The following TRAPPC9 variants were observed in gnomAD, a reference collection of about 807,000 sequenced individuals.
The protein encoded by TRAPPC9 is IKK2 binding protein.
In TRAPPC9, 83 loss-of-function variants were observed where a neutral mutation model predicts 124.0. That is an observed-to-expected ratio of 0.67 (90% CI 0.56 to 0.80). The LOEUF (loss-of-function observed/expected upper bound fraction) is 0.80. Ranked by LOEUF, TRAPPC9 falls within the 30% of genes least tolerant of loss-of-function variation. The pLI, the probability that TRAPPC9 is intolerant of heterozygous loss-of-function variation, is 0.00. For synonymous variants in TRAPPC9, 638 were observed against 617.5 expected, an observed-to-expected ratio of 1.03 and a Z score of -0.49; for missense variants, 1,302 against 1,508.3, an observed-to-expected ratio of 0.86 and a Z score of 2.27.
At chr8:139,748,472 C>T (rs544245780) in intron 21 of TRAPPC9, among the ~76,000 whole-genome samples, 13 of 118,254 alleles carry the variant, frequency 1.1e-4, no homozygotes, top group African/African-American at 5.1e-4. Context: ...AGGGGGTACA[C>T]ACAGCAGGTG....
At chr8:140,062,023 C>T (rs562297417) in intron 17 of TRAPPC9, among the ~76,000 whole-genome samples, 4 of 152,310 alleles carry the variant, frequency 2.6e-5, no homozygotes, top group South Asian at 2.1e-4. Context: ...CGCAGGTGTG[C>T]GCACACTCAA....
chr8:140,083,879 C>T (rs1844013450), intron 17 of TRAPPC9, among the ~76,000 whole-genome samples: 1 of 152,058 alleles, frequency 6.6e-6, no homozygotes. Flanking sequence ...GTTGACCAGG[C>T]TGCTTTTGAA....
intron 7 of TRAPPC9, among the ~76,000 whole-genome samples, chr8:140,380,510 C>T (rs2068571383): frequency 6.6e-6 from 1 of 151,768 alleles, no homozygotes; most frequent in South Asian, 2.1e-4. Flanking sequence ...AAAAAATTAG[C>T]CAGGCCTTGT....
rs1343816256 is a variant in TRAPPC9 at position 139,916,407 on chromosome 8, C to T, written c.2811-6107G>A. ...GAAACCCGCATTACAGATGGAGAGA[C>T]CAAGGAGCTGAGGCGCTAAGGAGAT... is the stretch of plus-strand genomic sequence containing the variant. On this transcript the variant is annotated intron_variant, in intron 19 of 22. Coordinates refer to ENST00000438773, the MANE Select transcript of TRAPPC9 (RefSeq NM_001160372.4). 3 of 152,168 alleles carry T rather than the reference C, an allele frequency of 2.0e-5. No homozygotes were observed. The East Asian group carries it at 5.8e-4, about 29-fold the overall frequency. The allele number at this position is 152,168 out of a possible 1,614,324, so 9.4% of individuals were successfully genotyped here.
intron 15 of TRAPPC9, among the ~76,000 whole-genome samples, chr8:140,260,618 G>T (rs1243805430): frequency 6.6e-6 from 1 of 152,192 alleles, no homozygotes; most frequent in African/African-American, 2.4e-5. Context: ...GGCCACTCTG[G>T]AGGAAGGAGG....
rs933423867 is a variant in TRAPPC9 at position 139,728,926 on chromosome 8, A to G, written c.*2135T>C. Among the ~76,000 whole-genome samples the G allele has an allele frequency of 6.6e-6, 1 of 152,244 alleles. No individual in the cohort carries two copies. The highest frequency in any genetic ancestry group is 2.4e-5 in the African/African-American group (1 of 41,468). On this transcript the variant is annotated 3_prime_UTR_variant, in exon 23 of 23. Coordinates refer to ENST00000438773, the MANE Select transcript of TRAPPC9 (RefSeq NM_001160372.4). ...CTGCAAGAAATAATTACAGTCACCA[A>G]TATGCTTGCCACTCAGAATCAAACA...
intron 3 of TRAPPC9, among the ~76,000 whole-genome samples, chr8:140,437,739 G>A (rs2070871184): frequency 6.6e-6 from 1 of 152,176 alleles, no homozygotes; most frequent in African/African-American, 2.4e-5. Context: ...TGGCTGACAG[G>A]TGTCCTTGCT....
intron 17 of TRAPPC9, among the ~76,000 whole-genome samples, chr8:140,157,001 CT>C (rs67786343): frequency 0.1 from 3,616 of 35,638 alleles, 235 homozygotes; most frequent in Middle Eastern, 0.13. Flanking sequence ...AAAAGCCTCC[CT>C]TTTCCATTCA....
At position 139,941,834 on chromosome 8, in the gene TRAPPC9, G is replaced by A. The variant is rs578188952; in HGVS notation, c.2811-31534C>T. Among the ~76,000 whole-genome samples, 10 of 152,310 alleles carry A rather than the reference G, an allele frequency of 6.6e-5. No individual in the cohort carries two copies. In the South Asian group the frequency reaches 1.0e-3, roughly 16 times the overall value. On this transcript the variant is annotated intron_variant, in intron 19 of 22. Coordinates refer to ENST00000438773, the MANE Select transcript of TRAPPC9 (RefSeq NM_001160372.4). ...TCAGTCTCTGGCCCACATGGGCTCC[G>A]GGCATGGGTTTGCCACACTGTTCTG...
chr8:139,853,404 C>T (rs983649910), intron 21 of TRAPPC9, among the ~76,000 whole-genome samples: 5 of 152,212 alleles, frequency 3.3e-5, no homozygotes, highest in Non-Finnish European at 5.9e-5. Context: ...GTACCTATGA[C>T]TCCCCCATCT....
chr8:139,852,013 C>T (rs1477707272), intron 21 of TRAPPC9, among the ~76,000 whole-genome samples: 1 of 152,198 alleles, frequency 6.6e-6, no homozygotes, highest in Non-Finnish European at 1.5e-5. Context: ...TTCCCATGTG[C>T]TGTGGGAGAG....
intron 1 of TRAPPC9, among the ~76,000 whole-genome samples, chr8:140,452,049 A>C (rs970764149): frequency 6.7e-6 from 1 of 149,262 alleles, no homozygotes; most frequent in African/African-American, 2.5e-5. Flanking sequence ...GGAACCCGGG[A>C]GGTGAAAGCT....
intron 17 of TRAPPC9, chr8:140,096,544 T>C (rs770419776): frequency 3.3e-5 from 5 of 151,840 alleles, no homozygotes; most frequent in Admixed American, 6.6e-5. Context: ...ATTTTAGAGA[T>C]AGAGAAACCA....
chr8:139,897,221 T>C (rs543995711), intron 20 of TRAPPC9, among the ~76,000 whole-genome samples: 2 of 152,336 alleles, frequency 1.3e-5, no homozygotes, highest in African/African-American at 2.4e-5. Context: ...GCTGAGTTAC[T>C]TGGAGTCCAT....
chr8:139,966,993 A>C (rs1835748125), intron 19 of TRAPPC9, among the ~76,000 whole-genome samples: 1 of 152,236 alleles, frequency 6.6e-6, no homozygotes, highest in South Asian at 2.1e-4. Flanking sequence ...GAGAGCAAAA[A>C]GTCAACGTAA....
rs1421156378 is a variant in TRAPPC9 at position 140,136,377 on chromosome 8, A to G, written c.2556+85082T>C. Among the ~76,000 whole-genome samples the G allele has an allele frequency of 3.3e-5, 5 of 152,160 alleles. No individual in the cohort carries two copies. In the South Asian group the frequency reaches 1.0e-3, roughly 32 times the overall value. The stretch of plus-strand genomic sequence containing the variant: ...GCTGCCTGGCAGGCACAAGCAGGAC[A>G]AACTCCCCGCTCAGAGCCTGTTGTC... On this transcript the variant is annotated intron_variant, in intron 17 of 22. Coordinates refer to ENST00000438773, the MANE Select transcript of TRAPPC9 (RefSeq NM_001160372.4).
At chr8:140,122,207 A>G (rs6987302) in intron 17 of TRAPPC9, among the ~76,000 whole-genome samples, 17,129 of 152,124 alleles carry the variant, frequency 0.11, 1,366 homozygotes, top group African/African-American at 0.22. Flanking sequence ...TCTCACTCCT[A>G]TGACTACAAA....
chr8:140,338,767 C>T (rs2067112953), intron 9 of TRAPPC9, among the ~76,000 whole-genome samples: 2 of 140,804 alleles, frequency 1.4e-5, no homozygotes, highest in African/African-American at 2.7e-5. Flanking sequence ...ACCTACAGGC[C>T]GACAGGAAAC....
chr8:140,379,344 C>T (rs1330382321), intron 7 of TRAPPC9, among the ~76,000 whole-genome samples: 1 of 152,158 alleles, frequency 6.6e-6, no homozygotes, highest in Non-Finnish European at 1.5e-5. Context: ...TGCACCTTTT[C>T]TTATTTATGT....
Sources: allele counts gnomAD v4.1 joint callset (sites outside exome capture counted in the v4.1 genomes callset), GRCh38; gene constraint gnomAD v4.1.1; transcripts MANE v1.5; gene names NCBI Gene and HGNC (gene_info 2026-07-23, HGNC 2026-07-21).